The following KCTD16 variants were observed in gnomAD, a reference collection of about 807,000 sequenced individuals.
KCTD16 encodes the protein BTB/POZ domain-containing protein KCTD16.
KCTD16 carries 13 observed loss-of-function variants against 33.2 expected under a neutral mutation model. The ratio of observed to expected loss-of-function variants is 0.39; its 90% CI spans 0.25 to 0.62. The LOEUF (loss-of-function observed/expected upper bound fraction) is 0.62. Among genes scored for constraint, KCTD16 ranks in the 20% least tolerant of loss-of-function variants. KCTD16 has a pLI of 0.50. For missense variants in KCTD16, 441 were observed against 525.1 expected (o/e 0.84, Z 1.57); for synonymous variants, 197 against 195.3 (o/e 1.01, Z -0.07).
chr5:144,330,921 A>G (rs770111208), intron 3 of KCTD16, among the ~76,000 whole-genome samples: 8 of 152,210 alleles, frequency 5.3e-5, no homozygotes, highest in Non-Finnish European at 8.8e-5. Flanking sequence ...ACTTAGTAAT[A>G]AACTGGAGGG....
At chr5:144,466,040 T>C (rs368275563) in intron 3 of KCTD16, among the ~76,000 whole-genome samples, 1 of 151,996 alleles carries the variant, frequency 6.6e-6, no homozygotes, top group African/African-American at 2.4e-5. Flanking sequence ...GATTTCACCA[T>C]ATTGGTCAGG....
At chr5:144,398,908 T>C (rs1442174372) in intron 3 of KCTD16, among the ~76,000 whole-genome samples, 1 of 152,198 alleles carries the variant, frequency 6.6e-6, no homozygotes, top group Non-Finnish European at 1.5e-5. Flanking sequence ...TTACATCTTA[T>C]ATACCATGAC....
chr5:144,205,182 G>C, intron 2 of KCTD16: 1 of 211,910 alleles, frequency 4.7e-6, no homozygotes, highest in Non-Finnish European at 9.3e-6. Context: ...AAGTGGCTGC[G>C]CAGCACTGCG....
At chr5:144,350,913 A>G (rs187123350) in intron 3 of KCTD16, among the ~76,000 whole-genome samples, 192 of 151,790 alleles carry the variant, frequency 1.3e-3, no homozygotes, top group Non-Finnish European at 2.0e-3. Flanking sequence ...TGCAGCTTGT[A>G]TAAATTTTCC....
At chr5:144,229,528 G>C (rs929088042) in intron 3 of KCTD16, among the ~76,000 whole-genome samples, 4 of 152,134 alleles carry the variant, frequency 2.6e-5, no homozygotes, top group African/African-American at 9.7e-5. Flanking sequence ...CACCTATGTG[G>C]CTATCGAAAG....
At chr5:144,173,979 T>C (rs1018346742) in intron 1 of KCTD16, among the ~76,000 whole-genome samples, 1 of 151,618 alleles carries the variant, frequency 6.6e-6, no homozygotes, top group Admixed American at 6.6e-5. Context: ...ACTGGAGTAC[T>C]TGGTAAATGT....
intron 3 of KCTD16, among the ~76,000 whole-genome samples, chr5:144,305,967 G>A (rs1751595408): frequency 1.3e-5 from 2 of 152,174 alleles, no homozygotes; most frequent in African/African-American, 4.8e-5. Flanking sequence ...TGTTGTTTAA[G>A]CCATCCATTC....
intron 3 of KCTD16, among the ~76,000 whole-genome samples, chr5:144,246,832 C>A (rs1452029715): frequency 1.3e-5 from 2 of 152,124 alleles, no homozygotes; most frequent in Non-Finnish European, 2.9e-5. Context: ...TCCTCCAACT[C>A]CCACATCATG....
intron 3 of KCTD16, among the ~76,000 whole-genome samples, chr5:144,299,154 T>A (rs868222450): frequency 1.0e-4 from 9 of 89,686 alleles, no homozygotes; most frequent in Non-Finnish European, 1.5e-4. Flanking sequence ...ATATATTTTT[T>A]TTTTTTTTTT....
chr5:144,194,042 A>G (rs1003173568), intron 2 of KCTD16, among the ~76,000 whole-genome samples: 2 of 152,286 alleles, frequency 1.3e-5, no homozygotes, highest in African/African-American at 4.8e-5. Context: ...CAGCAGGTGT[A>G]TGGAAGTTGA....
chr5:144,195,958 C>G (rs1752932112), intron 2 of KCTD16, among the ~76,000 whole-genome samples: 1 of 152,122 alleles, frequency 6.6e-6, no homozygotes. Flanking sequence ...CCAGTTGTCT[C>G]CAAGTCAGAC....
At chr5:144,408,497 A>T (rs547809910) in intron 3 of KCTD16, among the ~76,000 whole-genome samples, 1 of 152,344 alleles carries the variant, frequency 6.6e-6, no homozygotes, top group African/African-American at 2.4e-5. Flanking sequence ...TTGTTTCCAG[A>T]AAATACATTA....
At chr5:144,422,403 G>A (rs1048887608) in intron 3 of KCTD16, among the ~76,000 whole-genome samples, 27 of 152,098 alleles carry the variant, frequency 1.8e-4, no homozygotes, top group Non-Finnish European at 2.5e-4. Flanking sequence ...AATTTCAAAC[G>A]GATCCACAAG....
intron 3 of KCTD16, among the ~76,000 whole-genome samples, chr5:144,415,118 C>A (rs750511990): frequency 1.3e-5 from 2 of 152,146 alleles, no homozygotes; most frequent in Non-Finnish European, 2.9e-5. Context: ...CTGTGCCCTA[C>A]TATGCAGCAA....
chr5:144,418,013 C>T lies in KCTD16; in HGVS notation c.833-55647C>T, dbSNP rs371459241. ...CAGAGTTTCTTCCTTCTGGTGGGCT[C>T]GTAGTCTTGCTGACTTCAGGTGTGA... is the stretch of plus-strand genomic sequence containing the variant. On this transcript the variant is annotated intron_variant, in intron 3 of 3. Coordinates refer to ENST00000512467, the MANE Select transcript of KCTD16 (RefSeq NM_020768.4). Among the ~76,000 whole-genome samples, 17 of 152,162 alleles carry T rather than the reference C, an allele frequency of 1.1e-4. No individual in the cohort carries two copies. In the East Asian group the frequency reaches 1.4e-3, roughly 12 times the overall value.
At chr5:144,385,653 T>C (rs1752307529) in intron 3 of KCTD16, among the ~76,000 whole-genome samples, 1 of 152,210 alleles carries the variant, frequency 6.6e-6, no homozygotes, top group African/African-American at 2.4e-5. Flanking sequence ...TGTCCAGCCA[T>C]CTGGAAAGAC....
intron 2 of KCTD16, among the ~76,000 whole-genome samples, chr5:144,176,456 G>A (rs1348809200): frequency 7.4e-6 from 1 of 134,394 alleles, no homozygotes. Flanking sequence ...ACTGCGGACT[G>A]CAGTGGCGCA....
At chr5:144,285,016 T>G (rs1755706770) in intron 3 of KCTD16, among the ~76,000 whole-genome samples, 1 of 152,192 alleles carries the variant, frequency 6.6e-6, no homozygotes, top group Admixed American at 6.5e-5. Context: ...GGTAAAGAAC[T>G]TGGAGACAGA....
chr5:144,430,750 A>G (rs140244571), intron 3 of KCTD16, among the ~76,000 whole-genome samples: 1 of 152,110 alleles, frequency 6.6e-6, no homozygotes, highest in African/African-American at 2.4e-5. Context: ...TGCATTTTTG[A>G]TCCCCCTGGG....
Sources: gnomAD v4.1 joint callset for allele counts (sites outside exome capture counted in the v4.1 genomes callset) on GRCh38, gnomAD v4.1.1 for gene constraint, MANE v1.5 for transcripts, NCBI Gene and HGNC (gene_info 2026-07-23, HGNC 2026-07-21) for gene names.